The following LMNTD1 variants were observed in gnomAD, a reference collection of about 807,000 sequenced individuals.
The protein encoded by LMNTD1 is lamin tail domain containing 1, also known as lamin tail domain-containing protein 1.
In LMNTD1, 35 loss-of-function variants were observed where a neutral mutation model predicts 50.9. The ratio of observed to expected loss-of-function variants is 0.69; its 90% confidence interval spans 0.53 to 0.91. The LOEUF (loss-of-function observed/expected upper bound fraction) is 0.91. Ranked by LOEUF, LMNTD1 falls within the 40% of genes least tolerant of loss-of-function variation. The pLI, the probability that LMNTD1 is intolerant of heterozygous loss-of-function variation, is 0.00. For missense variants in LMNTD1, 470 were observed against 475.5 expected, an observed-to-expected ratio of 0.99 and a Z score of 0.11; for synonymous variants, 153 against 161.9, an observed-to-expected ratio of 0.94 and a Z score of 0.42.
chr12:25,631,324 G>A (rs1328655477), intron 1 of LMNTD1, among the ~76,000 whole-genome samples: 1 of 152,144 alleles, frequency 6.6e-6, no homozygotes, highest in Non-Finnish European at 1.5e-5. Context: ...CCACCTCTTG[G>A]CAGGAGGCCA....
At chr12:25,561,368 A>AC (rs1258447706) in intron 1 of LMNTD1, among the ~76,000 whole-genome samples, 1 of 152,056 alleles carries the variant, frequency 6.6e-6, no homozygotes, top group African/African-American at 2.4e-5. Context: ...GTTTCAAAGA[A>AC]ATCTTTATTT....
intron 4 of LMNTD1, among the ~76,000 whole-genome samples, chr12:25,535,082 G>A (rs1298850182): frequency 6.6e-6 from 1 of 152,096 alleles, no homozygotes; most frequent in Non-Finnish European, 1.5e-5. Flanking sequence ...ATGCAGAACT[G>A]ACACAGATGT....
intron 3 of LMNTD1, 67 bp downstream of exon 3, chr12:25,549,259 A>T (rs1466888626): frequency 3.7e-6 from 3 of 802,640 alleles, no homozygotes; most frequent in African/African-American, 3.5e-5. Context: ...TGAGAGTCAT[A>T]TATGCAATCT....
chr12:25,515,961 A>C, intron 8 of LMNTD1, among the ~76,000 whole-genome samples: 1 of 64,970 alleles, frequency 1.5e-5, no homozygotes, highest in African/African-American at 3.8e-5. Flanking sequence ...TTTGCCAGCT[A>C]TTGTGTGTGC....
At chr12:25,609,388 TA>T (rs1338828669) in intron 1 of LMNTD1, among the ~76,000 whole-genome samples, 1 of 152,190 alleles carries the variant, frequency 6.6e-6, no homozygotes, top group Non-Finnish European at 1.5e-5. Flanking sequence ...TGCAATCCTT[TA>T]GAGAAGAGGT....
At chr12:25,616,088 C>T (rs1288750522) in intron 1 of LMNTD1, among the ~76,000 whole-genome samples, 1 of 130,238 alleles carries the variant, frequency 7.7e-6, no homozygotes, top group African/African-American at 2.7e-5. Context: ...CCCCGACACA[C>T]ACATAACACA....
intron 9 of LMNTD1, among the ~76,000 whole-genome samples, chr12:25,501,865 C>T (rs887295609): frequency 6.6e-5 from 10 of 152,126 alleles, no homozygotes; most frequent in Non-Finnish European, 1.3e-4. Context: ...CACTCATGAA[C>T]AGTTAAACTG....
chr12:25,542,795 A>C (rs1025584882), intron 4 of LMNTD1, among the ~76,000 whole-genome samples: 1 of 151,022 alleles, frequency 6.6e-6, no homozygotes, highest in Non-Finnish European at 1.5e-5. Context: ...AATGTAGCCC[A>C]AAATGAAAAT....
At chr12:25,477,583 G>C (rs1419883500) in intron 9 of LMNTD1, among the ~76,000 whole-genome samples, 1 of 152,164 alleles carries the variant, frequency 6.6e-6, no homozygotes, top group Non-Finnish European at 1.5e-5. Context: ...TGGAAAAGCT[G>C]TCTTGAGGGA....
chr12:25,519,018 G>A (rs1239661873), intron 7 of LMNTD1, 51 bp from the exon 8 acceptor site: 4 of 1,561,576 alleles, frequency 2.6e-6, no homozygotes, highest in Non-Finnish European at 3.5e-6. Context: ...TTATGCTGTG[G>A]TGTTAATGTT....
At chr12:25,588,658 G>A (rs1017541585) in intron 1 of LMNTD1, among the ~76,000 whole-genome samples, 32 of 152,070 alleles carry the variant, frequency 2.1e-4, no homozygotes, top group Admixed American at 2.0e-3. Flanking sequence ...CAAAACGTGG[G>A]GTTTCTGAGG....
rs1434413927 is a variant in LMNTD1 at position 25,549,491 on chromosome 12, C to G, written c.145G>C (p.Gly49Arg). Residue 49 changes from glycine (G) to arginine (R), a missense_variant, in exon 3 of 10, where the codon GGT (glycine) becomes CGT (arginine). By Grantham distance (125) the Gly-to-Arg change is moderately radical (BLOSUM62 -2). Transcript: ENST00000458174. ...SLVHFSPKML[G>R]SVATTLPLSS... Reference sequence around the variant, plus strand: ...AATGGCAGTGTTGTGGCAACTGAACCCAACATCTTTGGGGAAAAATGTACT... The same window carrying G: ...AATGGCAGTGTTGTGGCAACTGAACGCAACATCTTTGGGGAAAAATGTACT... 6.2e-7 allele frequency: 1 copy of G among 1,612,906 alleles called. No homozygotes were observed. Among genetic ancestry groups the G allele is most frequent in the Non-Finnish European group, 8.5e-7 (1 of 1,179,364 alleles).
rs545198911 is a variant in LMNTD1, at chr12:25,544,179, CCTA to C, written c.491+2192_491+2194del. ...TACTGAGAATAGGATGTTAAAGTGC[CCTA>C]CTACTGTACTGCAGTCTATATCTCT... On this transcript the variant is annotated intron_variant, in intron 4 of 9. Coordinates refer to ENST00000458174, the MANE Select transcript of LMNTD1 (RefSeq NM_001145728.2). Among the ~76,000 whole-genome samples the C allele has an allele frequency of 2.0e-5, 3 of 151,872 alleles. No individual in the cohort carries two copies. The South Asian group carries it at 6.2e-4, about 32-fold the overall frequency.
In LMNTD1 at chr12:25,546,369, T is replaced by C. The variant is rs1474451710; in HGVS notation, c.491+5A>G. 7 of 1,557,780 alleles carry C rather than the reference T, an allele frequency of 4.5e-6. No individual in the cohort carries two copies. The highest frequency in any genetic ancestry group is 5.2e-6 in the Non-Finnish European group (6 of 1,147,760). On this transcript the variant is annotated splice_donor_5th_base_variant and intron_variant, in intron 4 of 9. Transcript: ENST00000458174. ...GATACTAAGTAGTTCAAATAAAATA[T>C]GTACCTGGAGGTAAATTGGCCAACT...
intron 4 of LMNTD1, among the ~76,000 whole-genome samples, chr12:25,546,099 A>G (rs73298451): frequency 0.019 from 2,955 of 151,800 alleles, 112 homozygotes; most frequent in African/African-American, 0.067. Context: ...ACGATAAAAA[A>G]GTGCCTTGAA....
At chr12:25,556,133 C>T (rs11048109), upstream of LMNTD1, among the ~76,000 whole-genome samples, 101,668 of 151,850 alleles carry the variant, frequency 0.67, 34,407 homozygotes, top group Admixed American at 0.73. Flanking sequence ...CCACCACGCC[C>T]GGCCAATTTT....
At chr12:25,519,026 G>T in intron 7 of LMNTD1, 59 bp from the exon 8 acceptor site, 1 of 1,510,290 alleles carries the variant, frequency 6.6e-7, no homozygotes, top group Non-Finnish European at 9.1e-7. Flanking sequence ...TGGTGTTAAT[G>T]TTGAAGGCAC....
intron 9 of LMNTD1, among the ~76,000 whole-genome samples, chr12:25,494,388 A>C (rs7956185): frequency 2.6e-5 from 4 of 151,572 alleles, no homozygotes; most frequent in African/African-American, 9.6e-5. Flanking sequence ...AACAATTCCA[A>C]AAGTTTTACA....
intron 9 of LMNTD1, among the ~76,000 whole-genome samples, chr12:25,497,291 G>T (rs1013025819): frequency 6.6e-6 from 1 of 152,198 alleles, no homozygotes; most frequent in South Asian, 2.1e-4. Context: ...TCCTCTTCCT[G>T]TGTGGAACCT....
Sources: allele counts gnomAD v4.1 joint callset (sites outside exome capture counted in the v4.1 genomes callset), GRCh38; gene constraint gnomAD v4.1.1; transcripts MANE v1.5; gene names NCBI Gene and HGNC (gene_info 2026-07-23, HGNC 2026-07-21).